The following CSMD1 variants were observed in gnomAD, a reference collection of about 807,000 sequenced individuals.
The protein encoded by CSMD1 is CUB and sushi domain-containing protein 1.
CSMD1 carries 213 observed loss-of-function variants against 417.5 expected under a neutral mutation model. The observed-to-expected ratio is 0.51, with a 90% CI of 0.46 to 0.57. CSMD1 has a LOEUF of 0.57. Ranked by LOEUF, CSMD1 falls within the 20% of genes least tolerant of loss-of-function variation. The pLI is 0.00. For synonymous variants in CSMD1, 2,862 were observed against 1,736.8 expected, an observed-to-expected ratio of 1.65 and a Z score of -16.11; for missense variants, 6,923 against 4,529.7, an observed-to-expected ratio of 1.53 and a Z score of -15.17.
intron 3 of CSMD1, among the ~76,000 whole-genome samples, chr8:4,306,158 A>G (rs531905200): frequency 4.0e-5 from 6 of 150,608 alleles, no homozygotes; most frequent in Admixed American, 2.6e-4. Context: ...AAGAAAGAGT[A>G]CTGGTTTAAA....
At chr8:4,425,554 C>G (rs1479695683) in intron 2 of CSMD1, among the ~76,000 whole-genome samples, 1 of 152,068 alleles carries the variant, frequency 6.6e-6, no homozygotes, top group Non-Finnish European at 1.5e-5. Context: ...GCAAGACTCA[C>G]TCCTTGGTGG....
chr8:3,671,204 T>A (rs1447298688), intron 7 of CSMD1, among the ~76,000 whole-genome samples: 2 of 147,602 alleles, frequency 1.4e-5, no homozygotes, highest in African/African-American at 4.9e-5. Flanking sequence ...GTATATGGGA[T>A]CTATGTATAG....
At chr8:3,374,558 A>G (rs1465480449) in intron 18 of CSMD1, among the ~76,000 whole-genome samples, 1 of 152,220 alleles carries the variant, frequency 6.6e-6, no homozygotes, top group Non-Finnish European at 1.5e-5. Flanking sequence ...TGATTAGACT[A>G]TGACGGACAT....
chr8:3,369,488 C>T (rs922881619), intron 18 of CSMD1, 118 bp from the exon 19 acceptor site: 4 of 602,232 alleles, frequency 6.6e-6, no homozygotes, highest in African/African-American at 3.7e-5. Flanking sequence ...ATGTCATATC[C>T]AAGAAAAACC....
chr8:4,598,352 G>A (rs542377415), intron 2 of CSMD1, among the ~76,000 whole-genome samples: 1 of 152,200 alleles, frequency 6.6e-6, no homozygotes, highest in African/African-American at 2.4e-5. Context: ...TGGTGTTGGA[G>A]GTTAGGGGCT....
chr8:3,788,668 T>A (rs1799572003), intron 5 of CSMD1, among the ~76,000 whole-genome samples: 1 of 152,188 alleles, frequency 6.6e-6, no homozygotes, highest in African/African-American at 2.4e-5. Flanking sequence ...TAGACAAAAA[T>A]GTAAGTACCT....
intron 51 of CSMD1, among the ~76,000 whole-genome samples, chr8:3,019,437 A>G (rs1045110602): frequency 6.6e-6 from 1 of 152,204 alleles, no homozygotes; most frequent in African/African-American, 2.4e-5. Flanking sequence ...TCTTCACCAA[A>G]GCCCATCAGC....
At chr8:4,054,545 G>C (rs1215763473) in intron 3 of CSMD1, among the ~76,000 whole-genome samples, 2 of 151,976 alleles carry the variant, frequency 1.3e-5, no homozygotes, top group Non-Finnish European at 2.9e-5. Flanking sequence ...ACATGCCTGA[G>C]ATGTCCCTCT....
chr8:4,496,515 G>T (rs773491707), intron 2 of CSMD1, among the ~76,000 whole-genome samples: 1 of 152,198 alleles, frequency 6.6e-6, no homozygotes, highest in African/African-American at 2.4e-5. Flanking sequence ...TAATATACCA[G>T]GGAGTATGTT....
At chr8:4,022,624 C>G (rs1460298216) in intron 4 of CSMD1, among the ~76,000 whole-genome samples, 1 of 152,108 alleles carries the variant, frequency 6.6e-6, no homozygotes, top group Non-Finnish European at 1.5e-5. Flanking sequence ...GTCCTAGAAA[C>G]CATTCTGGAA....
At chr8:4,140,895 G>T (rs35738022) in intron 3 of CSMD1, among the ~76,000 whole-genome samples, 44,148 of 150,882 alleles carry the variant, frequency 0.29, 8,301 homozygotes, top group Non-Finnish European at 0.39. Flanking sequence ...CCAATGCACA[G>T]GCTCAGTAGG....
At chr8:4,814,764 G>A (rs983556917) in intron 1 of CSMD1, among the ~76,000 whole-genome samples, 3 of 152,040 alleles carry the variant, frequency 2.0e-5, no homozygotes, top group African/African-American at 4.8e-5. Flanking sequence ...CATTGATAAG[G>A]AAATGTTCTA....
At chr8:3,868,470 G>A (rs1232657861) in intron 5 of CSMD1, among the ~76,000 whole-genome samples, 1 of 152,116 alleles carries the variant, frequency 6.6e-6, no homozygotes, top group Non-Finnish European at 1.5e-5. Context: ...CAGCCAAAAG[G>A]AAGGGGCTCT....
intron 12 of CSMD1, among the ~76,000 whole-genome samples, chr8:3,451,723 G>T (rs546969516): frequency 7.2e-5 from 11 of 152,266 alleles, no homozygotes; most frequent in African/African-American, 1.4e-4. Context: ...CGGTAGCCTT[G>T]TAATATAGTT....
At chr8:4,072,044 G>C (rs1354150322) in intron 3 of CSMD1, among the ~76,000 whole-genome samples, 3 of 152,164 alleles carry the variant, frequency 2.0e-5, no homozygotes, top group Non-Finnish European at 4.4e-5. Flanking sequence ...GTGGATGTTA[G>C]GATAGAGTTT....
intron 1 of CSMD1, among the ~76,000 whole-genome samples, chr8:4,904,609 T>C (rs1290924088): frequency 6.6e-6 from 1 of 152,016 alleles, no homozygotes; most frequent in African/African-American, 2.4e-5. Context: ...CATATATGAG[T>C]GAGCCAGGGA....
chr8:4,409,876 C>A (rs1417346914), intron 3 of CSMD1, among the ~76,000 whole-genome samples: 1 of 151,956 alleles, frequency 6.6e-6, no homozygotes, highest in Non-Finnish European at 1.5e-5. Flanking sequence ...TGTAATGGTG[C>A]AATCTTGGCT....
At chr8:3,244,700 C>T (rs556754717) in intron 26 of CSMD1, among the ~76,000 whole-genome samples, 189 of 152,146 alleles carry the variant, frequency 1.2e-3, no homozygotes, top group African/African-American at 4.3e-3. Context: ...TCACCCTGGA[C>T]GGTGAATGGA....
intron 1 of CSMD1, among the ~76,000 whole-genome samples, chr8:4,699,643 A>G (rs548850776): frequency 6.6e-6 from 1 of 152,374 alleles, no homozygotes; most frequent in East Asian, 1.9e-4. Context: ...CACAAGCCAG[A>G]TAAAAATTTA....
Sources: gnomAD v4.1 joint callset for allele counts (sites outside exome capture counted in the v4.1 genomes callset) on GRCh38, gnomAD v4.1.1 for gene constraint, MANE v1.5 for transcripts, NCBI Gene and HGNC (gene_info 2026-07-23, HGNC 2026-07-21) for gene names.